TMEM132D: variants seen among roughly 807,000 people sequenced by gnomAD.
TMEM132D encodes the protein transmembrane protein 132D, also known as mature OL transmembrane protein.
TMEM132D carries 21 observed loss-of-function variants against 62.3 expected under a neutral mutation model. That is an observed-to-expected ratio of 0.34 (90% CI 0.24 to 0.49). The LOEUF (loss-of-function observed/expected upper bound fraction) is 0.49, where lower values mean the gene tolerates loss of function less well. Ranked by LOEUF, TMEM132D falls within the 20% of genes least tolerant of loss-of-function variation. TMEM132D has a pLI of 0.99. For synonymous variants in TMEM132D, 621 were observed against 575.6 expected, an observed-to-expected ratio of 1.08 and a Z score of -1.13; for missense variants, 1,346 against 1,402.8, an observed-to-expected ratio of 0.96 and a Z score of 0.65.
intron 2 of TMEM132D, among the ~76,000 whole-genome samples, chr12:129,570,458 G>A (rs1182203620): frequency 6.6e-6 from 1 of 152,196 alleles, no homozygotes; most frequent in African/African-American, 2.4e-5. Context: ...AAGATGAGGA[G>A]TAAGACCTAA....
rs957381129 is a variant in TMEM132D at position 129,592,286 on chromosome 12, G to A, written c.969-61081C>T. 6.6e-5 allele frequency among the ~76,000 whole-genome samples: 10 copies of A among 152,212 alleles called. No homozygotes were observed. The South Asian group carries it at 8.3e-4, about 13-fold the overall frequency. The stretch of plus-strand genomic sequence containing the variant: ...ATGGTTCTCTCTTCCCAGGTTCCAC[G>A]GATCATCTTTCTAGATGGACCGAGA... On this transcript the variant is annotated intron_variant, in intron 2 of 8. Transcript: ENST00000422113.
chr12:129,228,386 A>G (rs74976075), intron 4 of TMEM132D, among the ~76,000 whole-genome samples: 2,064 of 152,282 alleles, frequency 0.014, 42 homozygotes, highest in African/African-American at 0.047. Context: ...CATAAAATTC[A>G]TCTGCTTAAA....
chr12:129,839,403 G>C (rs1873112435), intron 1 of TMEM132D, among the ~76,000 whole-genome samples: 1 of 151,578 alleles, frequency 6.6e-6, no homozygotes, highest in Non-Finnish European at 1.5e-5. Context: ...TGGGATTACA[G>C]GTGTGAGCCA....
chr12:129,129,391 GT>G (rs1190803637), intron 5 of TMEM132D, among the ~76,000 whole-genome samples: 37 of 152,118 alleles, frequency 2.4e-4, no homozygotes, highest in African/African-American at 8.9e-4. Flanking sequence ...CCAATCCACT[GT>G]TGATGGGCAC....
intron 1 of TMEM132D, among the ~76,000 whole-genome samples, chr12:129,814,937 C>G (rs1872302771): frequency 6.6e-6 from 1 of 152,134 alleles, no homozygotes; most frequent in Non-Finnish European, 1.5e-5. Context: ...TAGCATAAGC[C>G]CCCACATGCC....
intron 4 of TMEM132D, among the ~76,000 whole-genome samples, chr12:129,323,521 G>A (rs1868788950): frequency 6.6e-6 from 1 of 152,208 alleles, no homozygotes; most frequent in South Asian, 2.1e-4. Context: ...TGATTCTTTA[G>A]GAAAATGTGA....
intron 2 of TMEM132D, among the ~76,000 whole-genome samples, chr12:129,632,131 T>G (rs777300973): frequency 1.2e-3 from 184 of 152,330 alleles, no homozygotes; most frequent in Non-Finnish European, 2.1e-3. Context: ...TGAAAGACTA[T>G]TAAAGGGTTT....
intron 5 of TMEM132D, among the ~76,000 whole-genome samples, chr12:129,127,996 C>T (rs968470808): frequency 7.2e-5 from 11 of 152,158 alleles, no homozygotes; most frequent in Non-Finnish European, 1.2e-4. Context: ...AACTGTCCTA[C>T]GTTACCCAGG....
intron 3 of TMEM132D, among the ~76,000 whole-genome samples, chr12:129,502,598 C>G (rs1321092180): frequency 6.6e-6 from 1 of 151,954 alleles, no homozygotes; most frequent in Non-Finnish European, 1.5e-5. Context: ...TGTCTTTCCT[C>G]TGTGAGTACC....
intron 4 of TMEM132D, among the ~76,000 whole-genome samples, chr12:129,227,156 A>G (rs1879501025): frequency 6.6e-6 from 1 of 151,854 alleles, no homozygotes; most frequent in African/African-American, 2.4e-5. Context: ...AAACCCATCG[A>G]CCACACGTAC....
At chr12:129,655,951 C>T (rs1215181162) in intron 2 of TMEM132D, among the ~76,000 whole-genome samples, 1 of 152,186 alleles carries the variant, frequency 6.6e-6, no homozygotes, top group Non-Finnish European at 1.5e-5. Flanking sequence ...GACCAAACTT[C>T]TCTTTCGGTT....
chr12:129,769,709 C>A (rs548395680), intron 1 of TMEM132D, among the ~76,000 whole-genome samples: 1 of 152,296 alleles, frequency 6.6e-6, no homozygotes, highest in African/African-American at 2.4e-5. Flanking sequence ...CTATTAAAAA[C>A]AAGTGCTGGC....
intron 5 of TMEM132D, among the ~76,000 whole-genome samples, chr12:129,121,134 G>C (rs7136775): frequency 0.95 from 143,903 of 152,154 alleles, 68,373 homozygotes; most frequent in Non-Finnish European, 1. Flanking sequence ...CTTGGTCTGT[G>C]GCCCAGGCTG....
chr12:129,132,639 G>T (rs138216024), intron 5 of TMEM132D, among the ~76,000 whole-genome samples: 182 of 152,272 alleles, frequency 1.2e-3, no homozygotes, highest in African/African-American at 4.0e-3. Context: ...CTCTCAGTGT[G>T]TATGCATTCA....
In TMEM132D at chr12:129,072,458, T is replaced by C. The variant is rs940809999; in HGVS notation, c.*1417A>G. 2.0e-5 allele frequency: 3 copies of C among 152,356 alleles called. 1 individual carries two copies. The highest frequency in any genetic ancestry group is 4.8e-5 in the African/African-American group (2 of 41,458). 9.4% of individuals were successfully genotyped at this position (152,356 alleles called of 1,614,324 possible). On this transcript the variant is annotated 3_prime_UTR_variant, in exon 9 of 9. Transcript: ENST00000422113. Reference sequence around the variant, plus strand: ...CCCCCATCTTCATAGGCTTCATAAGTGAAGGGATTCAGGGATATCCAGAGT... The same window carrying C: ...CCCCCATCTTCATAGGCTTCATAAGCGAAGGGATTCAGGGATATCCAGAGT...
chr12:129,593,981 T>TA (rs1322204173), intron 2 of TMEM132D, among the ~76,000 whole-genome samples: 3 of 152,200 alleles, frequency 2.0e-5, no homozygotes, highest in African/African-American at 7.2e-5. Flanking sequence ...ATGTATCATT[T>TA]AGTGTCAGAC....
chr12:129,456,307 C>T (rs868614749), intron 3 of TMEM132D, among the ~76,000 whole-genome samples: 2 of 152,170 alleles, frequency 1.3e-5, no homozygotes, highest in African/African-American at 2.4e-5. Flanking sequence ...ACGTTACCTG[C>T]TGTTACCACC....
At chr12:129,535,709 A>G (rs1876362444) in intron 2 of TMEM132D, among the ~76,000 whole-genome samples, 1 of 152,050 alleles carries the variant, frequency 6.6e-6, no homozygotes, top group Non-Finnish European at 1.5e-5. Flanking sequence ...AAAATTGATG[A>G]GATAAAAGTG....
At chr12:129,769,679 G>A (rs746100553) in intron 1 of TMEM132D, among the ~76,000 whole-genome samples, 1 of 152,158 alleles carries the variant, frequency 6.6e-6, no homozygotes, top group Non-Finnish European at 1.5e-5. Context: ...TACCTTGTAA[G>A]TTAGCCAATC....
Sources: allele counts gnomAD v4.1 joint callset (sites outside exome capture counted in the v4.1 genomes callset), GRCh38; gene constraint gnomAD v4.1.1; transcripts MANE v1.5; gene names NCBI Gene and HGNC (gene_info 2026-07-23, HGNC 2026-07-21).